The following NCAPD3 variants were observed in gnomAD, a reference collection of about 807,000 sequenced individuals.
NCAPD3 encodes non-SMC condensin II complex subunit D3.
Under a neutral mutation model 182.9 loss-of-function variants are expected in NCAPD3, and 105 were observed. That is an observed-to-expected ratio of 0.57 (90% CI 0.49 to 0.68). The LOEUF (loss-of-function observed/expected upper bound fraction) is 0.68. Among genes scored for constraint, NCAPD3 ranks in the 30% least tolerant of loss-of-function variants. The pLI is 0.00. For synonymous variants in NCAPD3, 815 were observed against 679.9 expected (o/e 1.20, Z -3.09); for missense variants, 1,944 against 1,837.0 (o/e 1.06, Z -1.07).
chr11:134,195,980 G>A (rs1314968476), intron 13 of NCAPD3, among the ~76,000 whole-genome samples: 2 of 152,060 alleles, frequency 1.3e-5, no homozygotes, highest in Non-Finnish European at 2.9e-5. Flanking sequence ...CACACTTTGG[G>A]AACTGCTTAT....
intron 13 of NCAPD3, 70 bp from the exon 14 acceptor site, chr11:134,194,808 C>T: frequency 9.8e-7 from 1 of 1,020,014 alleles, no homozygotes; most frequent in Non-Finnish European, 1.5e-6. Context: ...TTTCACCACA[C>T]AATACCCAGA....
At chr11:134,224,190 G>A (rs930056359), upstream of NCAPD3, 5 of 575,730 alleles carry the variant, frequency 8.7e-6, no homozygotes, top group Non-Finnish European at 1.2e-5. Context: ...CAGGGCCTGA[G>A]TTAAACCCTA....
chr11:134,171,856 G>A (rs1016285781), intron 24 of NCAPD3, among the ~76,000 whole-genome samples: 1 of 152,070 alleles, frequency 6.6e-6, no homozygotes, highest in Non-Finnish European at 1.5e-5. Context: ...CCCTCCCAAG[G>A]GGAGGCTGCT....
intron 32 of NCAPD3, 82 bp downstream of exon 32, chr11:134,156,936 A>G: frequency 8.2e-7 from 1 of 1,217,228 alleles, no homozygotes; most frequent in Non-Finnish European, 1.2e-6. Context: ...CACCGGAAGG[A>G]GTTTTACTGC....
intron 2 of NCAPD3, among the ~76,000 whole-genome samples, chr11:134,219,408 T>C (rs560455505): frequency 3.3e-5 from 5 of 152,136 alleles, no homozygotes; most frequent in Non-Finnish European, 4.4e-5. Flanking sequence ...TAGACCTACT[T>C]TGGCTAGTGT....
intron 26 of NCAPD3, 133 bp from the exon 27 acceptor site, chr11:134,168,328 A>G: frequency 6.8e-7 from 1 of 1,479,840 alleles, no homozygotes; most frequent in Non-Finnish European, 9.4e-7. Flanking sequence ...TCTGGGGCAC[A>G]GCTGATGCCA....
chr11:134,160,021 T>A lies in NCAPD3; in HGVS notation c.3738A>T (p.Lys1246Asn), dbSNP rs778372675. ...DELKDFFAVDKQLASELEYDM... is the reference protein window; with the variant it reads ...DELKDFFAVDNQLASELEYDM... The stretch of plus-strand genomic sequence containing the variant: ...CATACTCAAGCTCTGATGCCAGCTG[T>A]TTGTCAACTGCAAAGAAGTCCTTGA... The change falls in exon 29 of 35, where the codon AAA becomes AAT. Residue 1246 changes from lysine (K) to asparagine (N), a missense_variant. Around this residue, in one of 3 missense-constraint regions of NCAPD3, gnomAD observed 1,803 missense variants for 1,674.6 expected, o/e 1.08. Transcript: ENST00000534548. The A allele has an allele frequency of 5.0e-6, 8 of 1,613,998 alleles. No individual in the cohort carries two copies. The highest frequency in any genetic ancestry group is 5.9e-6 in the Non-Finnish European group (7 of 1,180,028).
rs572097232 is a variant in NCAPD3 at position 134,177,242 on chromosome 11, T to C, written c.2998A>G (p.Ile1000Val). Residue 1000 changes from isoleucine to valine, a missense_variant, in exon 23 of 35, where the codon ATC (isoleucine) becomes GTC (valine). Ile to Val is a conservative substitution (Grantham distance 29). Transcript: ENST00000534548. ...ACCTGCAAGAGATTGGTAAGCAAGA[T>C]GAGTGTCTGCTTCCGGATGAATGGG... ...SDPFIRKQTL[I>V]LLTNLLQEEF... 3.7e-6 allele frequency: 6 copies of C among 1,613,962 alleles called. No individual in the cohort carries two copies. The highest frequency in any genetic ancestry group is 1.7e-5 in the Admixed American group (1 of 60,012).
rs1943198755 is a variant in NCAPD3, at chr11:134,150,739, G to A, written c.*2205C>T. On this transcript the variant is annotated 3_prime_UTR_variant, in exon 35 of 35. Transcript: ENST00000534548. ...GTCAAGTACAATAACATTTTTAAAA[G>A]AAAATGGATCCCACTGTTCCTCTTT... The A allele has an allele frequency of 1.3e-5, 2 of 151,996 alleles. No individual in the cohort carries two copies. Among genetic ancestry groups the A allele is most frequent in the South Asian group, 2.1e-4 (1 of 4,816 alleles). The allele number at this position is 151,996 out of a possible 1,614,324, so 9.4% of individuals were successfully genotyped here. A position where few individuals can be genotyped will look rare whatever the true frequency, so the allele number is the denominator to read the frequency against.
At position 134,184,688 on chromosome 11, in the gene NCAPD3, G is replaced by A. The variant is rs148859668; in HGVS notation, c.2400C>T (p.Asp800=). The A allele has an allele frequency of 6.5e-5, 105 of 1,613,820 alleles. 2 individuals are homozygous for A. The highest frequency in any genetic ancestry group is 6.1e-4 in the South Asian group (56 of 91,064). The stretch of plus-strand genomic sequence containing the variant: ...ATGCTCTACAAAGCCTCTGCAAGGC[G>A]TCAACAGCTGAACTGATCACCTCTA... ...WSLEVISSAV[D]ALQRLCRASA... The change falls in exon 19 of 35, where the codon GAC becomes GAT. Residue 800 remains aspartate (D), a synonymous_variant. Transcript: ENST00000534548.
rs558018440 is a variant in NCAPD3 at position 134,187,451 on chromosome 11, T to C, written c.2046-1925A>G. On this transcript the variant is annotated intron_variant, in intron 16 of 34. Coordinates refer to ENST00000534548, the MANE Select transcript of NCAPD3 (RefSeq NM_015261.3). ...CTGGGCTTCCATCTCCAGCACTCCCTCTGTCCTCAACCTGCCCGACTTCTG... is the reference window on the plus strand; with the variant it reads ...CTGGGCTTCCATCTCCAGCACTCCCCCTGTCCTCAACCTGCCCGACTTCTG... 2.5e-4 allele frequency among the ~76,000 whole-genome samples: 38 copies of C among 152,268 alleles called. 1 individual carries two copies. The South Asian group carries it at 7.9e-3, about 32-fold the overall frequency.
At position 134,157,862 on chromosome 11, in the gene NCAPD3, A is replaced by G. The variant is rs1011795076; in HGVS notation, c.4174+66T>C. The stretch of plus-strand genomic sequence containing the variant: ...ACACACCGCTTTGAAAGGAATAAGA[A>G]GTAGCTTGTTCTGTGTTTTCATCTG... On this transcript the variant is annotated intron_variant, in intron 31 of 34. Transcript: ENST00000534548. 29 of 1,486,160 alleles carry G rather than the reference A, an allele frequency of 2.0e-5. No homozygotes were observed. The African/African-American group carries it at 3.8e-4, about 19-fold the overall frequency. The allele number at this position is 1,486,160 out of a possible 1,614,324, so 92.1% of individuals were successfully genotyped here.
At chr11:134,219,840 A>G (rs1938161898) in intron 2 of NCAPD3, among the ~76,000 whole-genome samples, 1 of 152,162 alleles carries the variant, frequency 6.6e-6, no homozygotes, top group African/African-American at 2.4e-5. Context: ...TCTGTCGCCC[A>G]GGCTGGAGTG....
intron 8 of NCAPD3, among the ~76,000 whole-genome samples, chr11:134,205,671 C>T (rs1937598436): frequency 6.6e-6 from 1 of 152,148 alleles, no homozygotes; most frequent in Admixed American, 6.6e-5. Flanking sequence ...GCCACCGCGC[C>T]CCGCCTCAAG....
chr11:134,164,898 G>T (rs996621058), intron 27 of NCAPD3, among the ~76,000 whole-genome samples: 1 of 150,198 alleles, frequency 6.7e-6, no homozygotes, highest in Admixed American at 6.6e-5. Flanking sequence ...ATGAGCTTAG[G>T]GGGAGCTGCA....
chr11:134,217,206 T>C (rs1008857005), intron 2 of NCAPD3, 108 bp from the exon 3 acceptor site: 2 of 1,015,016 alleles, frequency 2.0e-6, no homozygotes, highest in African/African-American at 1.7e-5. Flanking sequence ...AGGAATAGAG[T>C]AGCCTGGCTC....
intron 24 of NCAPD3, among the ~76,000 whole-genome samples, chr11:134,172,011 C>A (rs1301274158): frequency 2.0e-5 from 3 of 152,174 alleles, no homozygotes; most frequent in Non-Finnish European, 2.9e-5. Context: ...ACTCATGCCC[C>A]TCAGGAAACC....
chr11:134,170,645 C>T (rs972146916), intron 24 of NCAPD3, among the ~76,000 whole-genome samples: 25 of 152,246 alleles, frequency 1.6e-4, no homozygotes, highest in Non-Finnish European at 2.8e-4. Flanking sequence ...CAATGCCAAT[C>T]GACTCAGTTT....
Position 134,177,230 on chromosome 11 carries a change from T to C in NCAPD3, c.3010A>G (p.Asn1004Asp), listed in dbSNP as rs763561623. The change falls in exon 23 of 35, where the codon AAT becomes GAT. Residue 1004 changes from asparagine (N) to aspartate (D), a missense_variant. Coordinates refer to ENST00000534548, the MANE Select transcript of NCAPD3 (RefSeq NM_015261.3). Reference sequence around the variant, plus strand: ...ACCCCCCTACGCACCTGCAAGAGATTGGTAAGCAAGATGAGTGTCTGCTTC... The same window carrying C: ...ACCCCCCTACGCACCTGCAAGAGATCGGTAAGCAAGATGAGTGTCTGCTTC... Reference protein sequence around the residue: ...IRKQTLILLTNLLQEEFVKWK... With the variant: ...IRKQTLILLTDLLQEEFVKWK... The C allele has an allele frequency of 3.7e-6, 6 of 1,613,388 alleles. No individual in the cohort carries two copies. The highest frequency in any genetic ancestry group is 1.7e-5 in the Admixed American group (1 of 60,008).
Sources: allele counts gnomAD v4.1 joint callset (sites outside exome capture counted in the v4.1 genomes callset), GRCh38; gene constraint gnomAD v4.1.1; regional missense constraint gnomAD v4.1.1; transcripts MANE v1.5; gene names NCBI Gene and HGNC (gene_info 2026-07-23, HGNC 2026-07-21).